The following TJP1 variants were observed in gnomAD, a reference collection of about 807,000 sequenced individuals.
The protein encoded by TJP1 is tight junction protein ZO-1.
In TJP1, 43 loss-of-function variants were observed where a neutral mutation model predicts 194.2. The observed-to-expected ratio is 0.22, with a 90% CI of 0.17 to 0.29. TJP1 has a LOEUF of 0.29. TJP1 is among the 10% of genes least tolerant of loss of function. TJP1 has a pLI of 1.00. For missense variants in TJP1, 1,971 were observed against 2,185.7 expected (o/e 0.90, Z 1.96); for synonymous variants, 801 against 779.0 (o/e 1.03, Z -0.47).
intron 26 of TJP1, 36 bp downstream of exon 26, chr15:29,705,492 G>A (rs778081794): frequency 1.2e-6 from 2 of 1,604,280 alleles, no homozygotes; most frequent in African/African-American, 1.3e-5. Context: ...CAACTCTTAA[G>A]TTATCAAAAC....
intron 12 of TJP1, 60 bp downstream of exon 12, chr15:29,734,214 C>A: frequency 8.7e-7 from 1 of 1,153,196 alleles, no homozygotes; most frequent in Non-Finnish European, 1.2e-6. Flanking sequence ...TGGAATAAAT[C>A]CCTTTGTAAG....
At chr15:29,873,195 G>A (rs1054527311) in intron 2 of TJP1, among the ~76,000 whole-genome samples, 3 of 152,148 alleles carry the variant, frequency 2.0e-5, no homozygotes, top group African/African-American at 7.2e-5. Flanking sequence ...AGTGAGTGCT[G>A]GGAGCTTCAA....
At chr15:29,784,591 T>C (rs2151757051) in intron 2 of TJP1, among the ~76,000 whole-genome samples, 1 of 152,248 alleles carries the variant, frequency 6.6e-6, no homozygotes, top group South Asian at 2.1e-4. Flanking sequence ...TGAGTCACCG[T>C]ACCCAGCCGA....
chr15:29,891,428 GTCTT>G (rs2053305149), intron 2 of TJP1, among the ~76,000 whole-genome samples: 1 of 152,188 alleles, frequency 6.6e-6, no homozygotes, highest in Admixed American at 6.5e-5. Context: ...ATGGTAGTTT[GTCTT>G]TCTATTCTTC....
At chr15:29,732,987 T>C (rs1306522735) in intron 13 of TJP1, 107 bp downstream of exon 13, 5 of 1,328,538 alleles carry the variant, frequency 3.8e-6, no homozygotes, top group South Asian at 1.4e-5. Context: ...ATACGTTGAA[T>C]ACAATGAAAA....
chr15:29,832,594 G>A (rs1383827022), intron 2 of TJP1, among the ~76,000 whole-genome samples: 1 of 152,154 alleles, frequency 6.6e-6, no homozygotes, highest in Non-Finnish European at 1.5e-5. Context: ...ACTCAATAAG[G>A]ATGTCTGAAT....
intron 18 of TJP1, among the ~76,000 whole-genome samples, chr15:29,721,433 C>G (rs972532175): frequency 2.0e-5 from 3 of 152,154 alleles, no homozygotes; most frequent in African/African-American, 7.2e-5. Flanking sequence ...CCCCTTCCGC[C>G]ACGATTGTAA....
intron 2 of TJP1, among the ~76,000 whole-genome samples, chr15:29,868,561 T>C (rs906746046): frequency 2.0e-5 from 3 of 152,078 alleles, no homozygotes; most frequent in South Asian, 2.1e-4. Flanking sequence ...GTCTACCACA[T>C]AATGTCAAAT....
At chr15:29,796,720 A>T (rs777838281) in intron 2 of TJP1, among the ~76,000 whole-genome samples, 4 of 152,248 alleles carry the variant, frequency 2.6e-5, no homozygotes, top group Non-Finnish European at 4.4e-5. Context: ...TAGAATAGCC[A>T]AAATAATTTT....
At chr15:29,830,105 CTAAA>C (rs1181919159) in intron 2 of TJP1, among the ~76,000 whole-genome samples, 5 of 151,694 alleles carry the variant, frequency 3.3e-5, no homozygotes, top group Admixed American at 2.6e-4. Flanking sequence ...AGTGACCTAA[CTAAA>C]TAGATAAAAG....
At chr15:29,858,673 G>A (rs576255179) in intron 2 of TJP1, among the ~76,000 whole-genome samples, 2 of 151,740 alleles carry the variant, frequency 1.3e-5, no homozygotes, top group East Asian at 2.0e-4. Flanking sequence ...CCTCCGAGTA[G>A]CTGGGACTAG....
chr15:29,906,316 T>C lies in TJP1; in HGVS notation c.306+49916A>G, dbSNP rs180801783. ...GGTGAAACCTCATCTCTACCAAAAATTTAAAAATTAGCCGGGTGTCATGAT... is the reference window on the plus strand; with the variant it reads ...GGTGAAACCTCATCTCTACCAAAAACTTAAAAATTAGCCGGGTGTCATGAT... On this transcript the variant is annotated intron_variant, in intron 2 of 28. Transcript: ENST00000356107. Among the ~76,000 whole-genome samples, 323 of 151,744 alleles carry C rather than the reference T, an allele frequency of 2.1e-3. 1 individual carries two copies. Among genetic ancestry groups the C allele is most frequent in the African/African-American group, 7.5e-3 (309 of 41,408 alleles).
chr15:29,799,811 A>T (rs1258195110), intron 2 of TJP1, among the ~76,000 whole-genome samples: 1 of 152,174 alleles, frequency 6.6e-6, no homozygotes, highest in Middle Eastern at 3.2e-3. Context: ...CAGCAACATG[A>T]TTCTTTCCCC....
Position 29,830,195 on chromosome 15 carries a change from T to A in TJP1, c.307-29493A>T, listed in dbSNP as rs1375188212. 3.9e-5 allele frequency among the ~76,000 whole-genome samples: 6 copies of A among 151,966 alleles called. No homozygotes were observed. The East Asian group carries it at 1.2e-3, about 29-fold the overall frequency. The stretch of plus-strand genomic sequence containing the variant: ...AAATCTTAAATTTAATTCAGTAGTC[T>A]TTTAGTAATAACACTATTACTCTGA... On this transcript the variant is annotated intron_variant, in intron 2 of 28. Transcript: ENST00000356107.
intron 3 of TJP1, among the ~76,000 whole-genome samples, chr15:29,772,620 A>G (rs1289644077): frequency 6.6e-6 from 1 of 152,200 alleles, no homozygotes; most frequent in Non-Finnish European, 1.5e-5. Context: ...AGGGAATAAA[A>G]AGGGTGGCAA....
chr15:29,705,352 C>T (rs1457295851), intron 26 of TJP1, among the ~76,000 whole-genome samples, 176 bp downstream of exon 26: 1 of 152,184 alleles, frequency 6.6e-6, no homozygotes, highest in Admixed American at 6.5e-5. Flanking sequence ...TCACCACAGC[C>T]TTGCTTCAGG....
intron 2 of TJP1, among the ~76,000 whole-genome samples, chr15:29,949,937 ACCT>A (rs1477524902): frequency 3.5e-5 from 1 of 28,922 alleles, no homozygotes; most frequent in Non-Finnish European, 5.3e-5. Context: ...CACCACCACC[ACCT>A]CCACAACCAC....
In TJP1 at chr15:29,704,186, G is replaced by A. The variant is rs2041742488; in HGVS notation, c.5188C>T (p.Leu1730=). 3 of 1,569,278 alleles carry A rather than the reference G, an allele frequency of 1.9e-6. No homozygotes were observed. The highest frequency in any genetic ancestry group is 2.7e-5 in the African/African-American group (2 of 74,334). ...CCCGACGAGGAGTCGGATGATTTTA[G>A]AGCAAAAGACCAACCGTCAGGAGTC... The part of the protein sequence containing the change: ...SMTPDGWSFA[L]KSSDSSSGDP... The change falls in exon 27 of 28, where the codon CTA becomes TTA. Residue 1730 remains leucine (L), a synonymous_variant. Transcript: ENST00000614355.
intron 2 of TJP1, among the ~76,000 whole-genome samples, chr15:29,918,959 C>A (rs2054272829): frequency 6.6e-6 from 1 of 152,044 alleles, no homozygotes; most frequent in South Asian, 2.1e-4. Context: ...TATTGGTATC[C>A]ACATTCAAAG....
Sources: allele counts gnomAD v4.1 joint callset (sites outside exome capture counted in the v4.1 genomes callset), GRCh38; gene constraint gnomAD v4.1.1; transcripts MANE v1.5; gene names NCBI Gene and HGNC (gene_info 2026-07-23, HGNC 2026-07-21).